Variants in PPP3CA observed in about 807,000 individuals in gnomAD.
The protein encoded by PPP3CA is CAM-PRP catalytic subunit.
Under a neutral mutation model 66.5 loss-of-function variants are expected in PPP3CA, and 14 were observed. That is an observed-to-expected ratio of 0.21 (90% CI 0.14 to 0.33). The LOEUF is 0.33. PPP3CA is among the 10% of genes least tolerant of loss of function. PPP3CA has a pLI of 1.00. For synonymous variants in PPP3CA, 232 were observed against 226.2 expected (o/e 1.03, Z -0.23); for missense variants, 317 against 639.5 (o/e 0.50, Z 5.44).
chr4:101,260,968 G>GTA (rs1350424543), intron 1 of PPP3CA, among the ~76,000 whole-genome samples: 1 of 152,046 alleles, frequency 6.6e-6, no homozygotes, highest in African/African-American at 2.4e-5. Context: ...GGGGTTAGAG[G>GTA]TATCATTTTC....
At chr4:101,243,494 A>T (rs573367507) in intron 1 of PPP3CA, among the ~76,000 whole-genome samples, 1 of 152,158 alleles carries the variant, frequency 6.6e-6, no homozygotes, top group African/African-American at 2.4e-5. Context: ...AAAAACAGCA[A>T]CTATACTGAA....
intron 1 of PPP3CA, among the ~76,000 whole-genome samples, chr4:101,228,223 T>C (rs112910965): frequency 1.3e-5 from 2 of 151,750 alleles, no homozygotes; most frequent in African/African-American, 4.8e-5. Context: ...AGAACTCTCT[T>C]TGAAATCACC....
intron 2 of PPP3CA, among the ~76,000 whole-genome samples, chr4:101,170,576 T>A (rs550255884): frequency 2.0e-5 from 3 of 151,038 alleles, no homozygotes; most frequent in Admixed American, 6.6e-5. Context: ...AAAAAAAAAA[T>A]AACAACAGGA....
intron 2 of PPP3CA, among the ~76,000 whole-genome samples, chr4:101,141,082 G>A (rs1722792871): frequency 6.6e-6 from 1 of 152,102 alleles, no homozygotes; most frequent in South Asian, 2.1e-4. Flanking sequence ...TTATTTCTCT[G>A]CTCAAAACCC....
At chr4:101,275,664 A>C (rs1464543721) in intron 1 of PPP3CA, among the ~76,000 whole-genome samples, 1 of 152,250 alleles carries the variant, frequency 6.6e-6, no homozygotes, top group Non-Finnish European at 1.5e-5. Flanking sequence ...AATTTAACAA[A>C]GGTCACATTT....
At chr4:101,108,792 A>G (rs1416966658) in intron 3 of PPP3CA, among the ~76,000 whole-genome samples, 162 bp downstream of exon 3, 2 of 152,186 alleles carry the variant, frequency 1.3e-5, no homozygotes, top group African/African-American at 2.4e-5. Flanking sequence ...CAAAAAACAC[A>G]TGGGAATCAA....
chr4:101,265,059 C>T (rs1047609868), intron 1 of PPP3CA, among the ~76,000 whole-genome samples: 1 of 152,132 alleles, frequency 6.6e-6, no homozygotes, highest in African/African-American at 2.4e-5. Flanking sequence ...ACCACTATAT[C>T]CATAAGAATT....
intron 7 of PPP3CA, 52 bp downstream of exon 7, chr4:101,083,134 G>T: frequency 1.5e-6 from 2 of 1,325,360 alleles, no homozygotes; most frequent in Non-Finnish European, 2.0e-6. Context: ...AAGTGAGGAA[G>T]TTCTGGAAAA....
At chr4:101,221,160 T>A (rs982370985) in intron 1 of PPP3CA, among the ~76,000 whole-genome samples, 3 of 151,598 alleles carry the variant, frequency 2.0e-5, no homozygotes, top group Non-Finnish European at 4.4e-5. Flanking sequence ...AGTTACCAAG[T>A]GGTAGGAAGA....
At chr4:101,309,478 C>T (rs896795409) in intron 1 of PPP3CA, among the ~76,000 whole-genome samples, 2 of 149,508 alleles carry the variant, frequency 1.3e-5, no homozygotes, top group Non-Finnish European at 3.0e-5. Context: ...AAAAGCAAAG[C>T]GGGTGGGGGG....
chr4:101,339,925 C>T (rs1395198711), intron 1 of PPP3CA, among the ~76,000 whole-genome samples: 1 of 152,252 alleles, frequency 6.6e-6, no homozygotes, highest in Non-Finnish European at 1.5e-5. Context: ...AAAACTACTA[C>T]TAATTCTTCC....
chr4:101,106,433 GAAAGAAAGAAAGAAAGA>G lies in PPP3CA; in HGVS notation c.384+2504_384+2520del, dbSNP rs1394873141. On this transcript the variant is annotated intron_variant, in intron 3 of 13. Transcript: ENST00000394854. Reference sequence around the variant, plus strand: ...AGAAAGAAAGAAAGAAAGAAAGAAAGAAAGAAAGAAAGAAAGAAAGAGAAAAGAAAAGAAAAGAAAAG... The same window carrying G: ...AGAAAGAAAGAAAGAAAGAAAGAAAGAAGAGAAAAGAAAAGAAAAGAAAAG... 6.5e-3 allele frequency among the ~76,000 whole-genome samples: 76 copies of G among 11,734 alleles called. 13 individuals carry two copies. Among genetic ancestry groups the G allele is most frequent in the South Asian group, 0.011 (2 of 180 alleles). The allele number at this position is 11,734 out of a possible 152,430, so 7.7% of individuals were successfully genotyped here.
rs3974776 is a variant in PPP3CA, at chr4:101,292,081, AACACACACACACAC to A, written c.58+54644_58+54657del. ...AGTTCGAGGCTGCACTGAGCCCATG[AACACACACACACAC>A]ACACACACACACACACACACACACA... On this transcript the variant is annotated intron_variant, in intron 1 of 13. Transcript: ENST00000394854. Among the ~76,000 whole-genome samples, 956 of 130,716 alleles carry A rather than the reference AACACACACACACAC, an allele frequency of 7.3e-3. 8 individuals carry two copies. The highest frequency in any genetic ancestry group is 0.026 in the African/African-American group (897 of 34,726). The allele number at this position is 130,716 out of a possible 152,430, so 85.8% of individuals were successfully genotyped here. A position where few individuals can be genotyped will look rare whatever the true frequency, so the allele number is the denominator to read the frequency against.
At chr4:101,106,463 A>AGAAAGAAAGAAAGAAAGAAAGAAGAGAAG (rs1560605247) in intron 3 of PPP3CA, among the ~76,000 whole-genome samples, 2 of 33,758 alleles carry the variant, frequency 5.9e-5, no homozygotes, top group Non-Finnish European at 1.2e-4. Flanking sequence ...GAGAAAAGAA[A>AGAAAGAAAGAAAGAAAGAAAGAAGAGAAG]AGAAAAGAAA....
intron 1 of PPP3CA, among the ~76,000 whole-genome samples, chr4:101,217,027 G>A (rs941568432): frequency 7.2e-5 from 11 of 152,204 alleles, no homozygotes; most frequent in East Asian, 1.9e-4. Context: ...AAAAAATTAC[G>A]TAAGTAAAAG....
chr4:101,345,651 C>A (rs1729958583), intron 1 of PPP3CA, among the ~76,000 whole-genome samples: 1 of 152,110 alleles, frequency 6.6e-6, no homozygotes. Flanking sequence ...ATGGTTCCTC[C>A]CCCACTACAC....
chr4:101,228,387 C>G (rs893940426), intron 1 of PPP3CA, among the ~76,000 whole-genome samples: 1 of 151,440 alleles, frequency 6.6e-6, no homozygotes, highest in African/African-American at 2.4e-5. Context: ...GCATCCATAG[C>G]ATATAAATTT....
intron 2 of PPP3CA, among the ~76,000 whole-genome samples, chr4:101,122,063 A>G (rs1350007045): frequency 6.6e-6 from 1 of 152,184 alleles, no homozygotes; most frequent in Admixed American, 6.5e-5. Context: ...TGTTCCCTGC[A>G]CATGTTTCCT....
intron 2 of PPP3CA, among the ~76,000 whole-genome samples, chr4:101,185,198 G>A (rs1724374206): frequency 6.6e-6 from 1 of 151,802 alleles, no homozygotes; most frequent in Non-Finnish European, 1.5e-5. Flanking sequence ...GACAAGATTT[G>A]CGAGGTAATA....
Sources: gnomAD v4.1 joint callset for allele counts (sites outside exome capture counted in the v4.1 genomes callset) on GRCh38, gnomAD v4.1.1 for gene constraint, MANE v1.5 for transcripts, NCBI Gene and HGNC (gene_info 2026-07-23, HGNC 2026-07-21) for gene names.